CYP3A43: variants seen among roughly 807,000 people sequenced by gnomAD.
CYP3A43 encodes the protein cytochrome P450 family 3 subfamily A member 43.
A neutral mutation model predicts 58.0 loss-of-function variants in CYP3A43; 45 were observed. That is an observed-to-expected ratio of 0.78 (90% CI 0.61 to 0.99). The LOEUF is 0.99. CYP3A43 is among the 50% of genes least tolerant of loss of function. The probability of loss-of-function intolerance (pLI) is 0.00; values close to 1 mark genes in which losing one functional copy is unlikely to be tolerated. For missense variants in CYP3A43, 593 were observed against 591.9 expected, an observed-to-expected ratio of 1.00 and a Z score of -0.02; for synonymous variants, 191 against 201.4, an observed-to-expected ratio of 0.95 and a Z score of 0.44.
At chr7:99,837,325 AAAAAAAAAAAG>A (rs929524811) in intron 2 of CYP3A43, among the ~76,000 whole-genome samples, 2 of 151,386 alleles carry the variant, frequency 1.3e-5, no homozygotes, top group African/African-American at 4.9e-5. Context: ...TCTCAAAAAA[AAAAAAAAAAAG>A]AAAAGAAAAA....
At chr7:99,843,843 G>A (rs1817436731) in intron 3 of CYP3A43, among the ~76,000 whole-genome samples, 1 of 152,208 alleles carries the variant, frequency 6.6e-6, no homozygotes, top group South Asian at 2.1e-4. Context: ...CCACCTAGAT[G>A]TAACAAAGGC....
chr7:99,832,547 G>T (rs1268857189), intron 1 of CYP3A43, among the ~76,000 whole-genome samples: 1 of 129,834 alleles, frequency 7.7e-6, no homozygotes, highest in African/African-American at 2.9e-5. Context: ...TTGTGGGGTG[G>T]GGGGAGGGGG....
At chr7:99,859,526 G>A (rs17161974) in intron 9 of CYP3A43, among the ~76,000 whole-genome samples, 9,698 of 152,242 alleles carry the variant, frequency 0.064, 969 homozygotes, top group African/African-American at 0.21. Flanking sequence ...ATAACACTGA[G>A]TATGTTAGAC....
intron 1 of CYP3A43, among the ~76,000 whole-genome samples, chr7:99,835,884 G>A (rs2151591806): frequency 6.6e-6 from 1 of 152,312 alleles, no homozygotes; most frequent in East Asian, 1.9e-4. Context: ...AGCATTTGCA[G>A]TAATAACGTA....
At chr7:99,850,049 T>C (rs1479540441) in intron 7 of CYP3A43, 5 of 440,850 alleles carry the variant, frequency 1.1e-5, no homozygotes. Context: ...CTCCACCTCC[T>C]GGGTTCGAGT....
intron 4 of CYP3A43, among the ~76,000 whole-genome samples, chr7:99,845,902 A>G (rs1817527387): frequency 6.6e-6 from 1 of 151,454 alleles, no homozygotes; most frequent in Admixed American, 6.6e-5. Context: ...CACCCTCCCA[A>G]GCAGCTGGGA....
chr7:99,841,466 C>G (rs554384587), intron 3 of CYP3A43, among the ~76,000 whole-genome samples: 67 of 152,244 alleles, frequency 4.4e-4, no homozygotes, highest in African/African-American at 1.5e-3. Context: ...GGGGTGATCT[C>G]GGCTTACTAA....
intron 7 of CYP3A43, among the ~76,000 whole-genome samples, chr7:99,853,034 C>T (rs1316574032): frequency 1.3e-5 from 2 of 152,156 alleles, no homozygotes; most frequent in Non-Finnish European, 2.9e-5. Context: ...TTTATATTTA[C>T]AAGATATGTT....
chr7:99,838,546 G>A (rs1817184588), intron 2 of CYP3A43: 2 of 595,156 alleles, frequency 3.4e-6, no homozygotes. Flanking sequence ...ACATCAGAAA[G>A]ACAATGAGTT....
chr7:99,848,018 A>G (rs1038299934), intron 5 of CYP3A43, 148 bp from the exon 6 acceptor site: 1 of 774,282 alleles, frequency 1.3e-6, no homozygotes, highest in Non-Finnish European at 2.1e-6. Flanking sequence ...TCTCAAAAAA[A>G]AGGGGCAGGG....
intron 1 of CYP3A43, among the ~76,000 whole-genome samples, chr7:99,833,909 G>T (rs1457704945): frequency 6.6e-6 from 1 of 152,202 alleles, no homozygotes; most frequent in Admixed American, 6.5e-5. Flanking sequence ...ACTCACTAAT[G>T]AGGGTTTTGA....
rs1295487622 is a variant in CYP3A43 at position 99,849,646 on chromosome 7, A to G, written c.622A>G (p.Lys208Glu). The G allele has an allele frequency of 2.5e-6, 4 of 1,611,220 alleles. No homozygotes were observed. In the Admixed American group the frequency reaches 6.7e-5, roughly 27 times the overall value. The change falls in exon 7 of 13, where the codon AAG (lysine) becomes GAG (glutamate). Residue 208 changes from lysine to glutamate, a missense_variant. Transcript: ENST00000354829. ...ACAAGATCCCTTTCTGAAAAATATGAAGAAGCTTTTAAAATTGGATTTTTT... is the reference window on the plus strand; with the variant it reads ...ACAAGATCCCTTTCTGAAAAATATGGAGAAGCTTTTAAAATTGGATTTTTT... ...NPQDPFLKNM[K>E]KLLKLDFLDP... is the part of the protein sequence containing the mutation.
chr7:99,853,863 T>C (rs1817858678), intron 7 of CYP3A43, among the ~76,000 whole-genome samples: 1 of 145,298 alleles, frequency 6.9e-6, no homozygotes. Flanking sequence ...GCCTTGAGCT[T>C]TATTTTTTAT....
At chr7:99,847,775 G>A (rs1218607056) in intron 5 of CYP3A43, 174 bp downstream of exon 5, 20 of 964,608 alleles carry the variant, frequency 2.1e-5, no homozygotes, top group Non-Finnish European at 3.1e-5. Context: ...ACTTTGGGAG[G>A]CCGAGGTGGG....
chr7:99,857,622 C>T (rs556609407), intron 9 of CYP3A43, among the ~76,000 whole-genome samples: 5 of 152,256 alleles, frequency 3.3e-5, no homozygotes, highest in African/African-American at 1.2e-4. Flanking sequence ...GCAGGTGGAT[C>T]ACCTAGGGTC....
At chr7:99,832,666 T>G (rs1816895339) in intron 1 of CYP3A43, among the ~76,000 whole-genome samples, 3 of 151,164 alleles carry the variant, frequency 2.0e-5, no homozygotes, top group Admixed American at 2.0e-4. Context: ...GTTGTGCACA[T>G]GTACCCTAAA....
intron 10 of CYP3A43, among the ~76,000 whole-genome samples, chr7:99,860,919 G>A (rs972241879): frequency 6.6e-6 from 1 of 152,036 alleles, no homozygotes; most frequent in African/African-American, 2.4e-5. Context: ...CGTCGCCCAG[G>A]CTGGACTGCA....
At chr7:99,853,854 C>A (rs554297770) in intron 7 of CYP3A43, among the ~76,000 whole-genome samples, 4 of 148,200 alleles carry the variant, frequency 2.7e-5, no homozygotes, top group South Asian at 2.1e-4. Flanking sequence ...CCGCGCCCAG[C>A]CTTGAGCTTT....
At chr7:99,847,709 C>A in intron 5 of CYP3A43, 108 bp downstream of exon 5, 4 of 1,547,104 alleles carry the variant, frequency 2.6e-6, no homozygotes, top group Non-Finnish European at 2.6e-6. Flanking sequence ...TGAGTTTGAG[C>A]TTTCTAAAAA....
Sources: allele counts gnomAD v4.1 joint callset (sites outside exome capture counted in the v4.1 genomes callset), GRCh38; gene constraint gnomAD v4.1.1; transcripts MANE v1.5; gene names NCBI Gene and HGNC (gene_info 2026-07-23, HGNC 2026-07-21).